HDLBP: variants seen among roughly 807,000 people sequenced by gnomAD.
HDLBP encodes high density lipoprotein binding protein.
Under a neutral mutation model 137.3 loss-of-function variants are expected in HDLBP, and 30 were observed. That is an observed-to-expected ratio of 0.22 (90% CI 0.16 to 0.30). The LOEUF (loss-of-function observed/expected upper bound fraction) is 0.30. Ranked by LOEUF, HDLBP falls within the 10% of genes least tolerant of loss-of-function variation. HDLBP has a pLI of 1.00. For missense variants in HDLBP, 1,119 were observed against 1,667.3 expected, an observed-to-expected ratio of 0.67 and a Z score of 5.73; for synonymous variants, 606 against 596.0, an observed-to-expected ratio of 1.02 and a Z score of -0.24.
intron 1 of HDLBP, chr2:241,279,859 G>A (rs1443578719): frequency 2.1e-6 from 2 of 960,324 alleles, no homozygotes; most frequent in Middle Eastern, 5.3e-4. Context: ...AAATTTTTAA[G>A]AACCTAATTG....
chr2:241,238,920 G>A lies in HDLBP; in HGVS notation c.2611-133C>T, dbSNP rs1288945143. ...TTGGCACAGATGCTCCCCTTCTCCC[G>A]AGTCCAGGGCTCCAGGCGCAGGGAG... On this transcript the variant is annotated intron_variant, in intron 19 of 27. Transcript: ENST00000310931. The surrounding 1 kb of genome is among the most constrained non-coding windows in gnomAD (Gnocchi z 4.9). 12 of 670,644 alleles carry A rather than the reference G, an allele frequency of 1.8e-5. No homozygotes were observed. The highest frequency in any genetic ancestry group is 1.7e-4 in the South Asian group (5 of 29,454). 41.5% of individuals were successfully genotyped at this position (670,644 alleles called of 1,614,324 possible).
chr2:241,255,516 G>A lies in HDLBP; in HGVS notation c.938C>T (p.Pro313Leu). ...KKSQHKYVIG[P>L]KGNSLQEILE... ...GATCTCCTGCAATGAATTGCCCTTGGGCCCAATGACATACTTGTGTTGGGA... is the reference window on the plus strand; with the variant it reads ...GATCTCCTGCAATGAATTGCCCTTGAGCCCAATGACATACTTGTGTTGGGA... Residue 313 changes from proline (P) to leucine (L), a missense_variant, in exon 8 of 28, where the codon CCC (proline) becomes CTC (leucine). By Grantham distance (98) the Pro-to-Leu change is moderately conservative (BLOSUM62 -3). Coordinates refer to ENST00000310931, the MANE Select transcript of HDLBP (RefSeq NM_005336.6). 6.2e-7 allele frequency: 1 copy of A among 1,614,018 alleles called. No homozygotes were observed. The highest frequency in any genetic ancestry group is 8.5e-7 in the Non-Finnish European group (1 of 1,179,894).
At position 241,272,439 on chromosome 2, in the gene HDLBP, G is replaced by T. The variant is rs1339802404; in HGVS notation, c.-102-3898C>A. On this transcript the variant is annotated intron_variant, in intron 1 of 27. Coordinates refer to ENST00000310931, the MANE Select transcript of HDLBP (RefSeq NM_005336.6). The surrounding 1 kb of genome is among the most constrained non-coding windows in gnomAD (Gnocchi z 5.6). Reference sequence around the variant, plus strand: ...CCCCACCGAAGCCCCGGGAGGAGGCGGGGGAGCCCAGCTTGCAGCCAAGAG... The same window carrying T: ...CCCCACCGAAGCCCCGGGAGGAGGCTGGGGAGCCCAGCTTGCAGCCAAGAG... The T allele has an allele frequency of 2.0e-6, 2 of 984,464 alleles. No homozygotes were observed. Among genetic ancestry groups the T allele is most frequent in the Non-Finnish European group, 2.4e-6 (2 of 829,654 alleles). 61.0% of individuals were successfully genotyped at this position (984,464 alleles called of 1,614,324 possible). A position where few individuals can be genotyped will look rare whatever the true frequency, so the allele number is the denominator to read the frequency against.
In HDLBP at chr2:241,272,153, A is replaced by C. The variant is rs1192707500; in HGVS notation, c.-102-3612T>G. Reference sequence around the variant, plus strand: ...AGGCCCAAGAAGAGCAGCTTTCCCCACCCCCGAACACGTAGACTGACGCGG... The same window carrying C: ...AGGCCCAAGAAGAGCAGCTTTCCCCCCCCCCGAACACGTAGACTGACGCGG... On this transcript the variant is annotated intron_variant, in intron 1 of 27. Coordinates refer to ENST00000310931, the MANE Select transcript of HDLBP (RefSeq NM_005336.6). This position sits in a 1 kb window ranked among gnomAD's most constrained non-coding sequence, Gnocchi z 5.6. 1 of 983,576 alleles carries C rather than the reference A, an allele frequency of 1.0e-6. No homozygotes were observed. The highest frequency in any genetic ancestry group is 1.2e-6 in the Non-Finnish European group (1 of 828,808). The allele number at this position is 983,576 out of a possible 1,614,324, so 60.9% of individuals were successfully genotyped here. A position where few individuals can be genotyped will look rare whatever the true frequency, so the allele number is the denominator to read the frequency against.
chr2:241,243,870 G>A (rs1247027180), intron 16 of HDLBP, among the ~76,000 whole-genome samples: 1 of 152,042 alleles, frequency 6.6e-6, no homozygotes, highest in Non-Finnish European at 1.5e-5. Context: ...CCCTCATTAA[G>A]AAACACCAGA....
intron 5 of HDLBP, among the ~76,000 whole-genome samples, chr2:241,261,407 A>G (rs2073169254): frequency 6.6e-6 from 1 of 152,342 alleles, no homozygotes; most frequent in East Asian, 1.9e-4. Context: ...ATATGATTAC[A>G]TGAGTTAGGA....
chr2:241,283,785 C>T (rs755551033), intron 1 of HDLBP, among the ~76,000 whole-genome samples: 1 of 152,098 alleles, frequency 6.6e-6, no homozygotes, highest in Admixed American at 6.6e-5. Context: ...ATAGCTAGAT[C>T]GCTTCTAAGA....
Position 241,238,396 on chromosome 2 carries a change from C to T in HDLBP, c.2749+253G>A, listed in dbSNP as rs2070811796. ...CACCCGAGGATGAGGCTGCACGCTC[C>T]TCATCGCCTTGGGACTGGCTACCTT... On this transcript the variant is annotated intron_variant, in intron 20 of 27. Coordinates refer to ENST00000310931, the MANE Select transcript of HDLBP (RefSeq NM_005336.6). The surrounding 1 kb of genome is among the most constrained non-coding windows in gnomAD (Gnocchi z 4.9). The T allele has an allele frequency of 3.0e-6, 1 of 327,952 alleles. No individual in the cohort carries two copies. Among genetic ancestry groups the T allele is most frequent in the African/African-American group, 2.1e-5 (1 of 47,134 alleles). 20.3% of individuals were successfully genotyped at this position (327,952 alleles called of 1,614,324 possible). A position where few individuals can be genotyped will look rare whatever the true frequency, so the allele number is the denominator to read the frequency against.
At chr2:241,264,427 A>G (rs941606742) in intron 4 of HDLBP, 21 bp downstream of exon 4, 5 of 1,547,152 alleles carry the variant, frequency 3.2e-6, no homozygotes, top group Non-Finnish European at 4.4e-6. Context: ...AAATTTTTAA[A>G]AGAAAGAATG....
chr2:241,313,469 A>G (rs2075822327), intron 1 of HDLBP, among the ~76,000 whole-genome samples: 1 of 152,068 alleles, frequency 6.6e-6, no homozygotes, highest in South Asian at 2.1e-4. Flanking sequence ...TAGTAGAGAC[A>G]GGGTTTCACC....
Position 241,272,600 on chromosome 2 carries a change from C to CG in HDLBP, c.-102-4060dup, listed in dbSNP as rs2074175993. 1.0e-6 allele frequency: 1 copy of CG among 983,234 alleles called. No homozygotes were observed. Among genetic ancestry groups the CG allele is most frequent in the Non-Finnish European group, 1.2e-6 (1 of 828,906 alleles). The allele number at this position is 983,234 out of a possible 1,614,324, so 60.9% of individuals were successfully genotyped here. On this transcript the variant is annotated intron_variant, in intron 1 of 27. Transcript: ENST00000310931. The surrounding 1 kb of genome is among the most constrained non-coding windows in gnomAD (Gnocchi z 5.6). ...GCGCGGTAAGCAGGACACCCGCGGG[C>CG]GGGGGCCGCAGCCTGGGGCCCGGGT...
intron 7 of HDLBP, among the ~76,000 whole-genome samples, chr2:241,255,873 C>T (rs557837351): frequency 6.6e-6 from 1 of 152,360 alleles, no homozygotes; most frequent in East Asian, 1.9e-4. Context: ...TCAAAGTTCA[C>T]TAAGCTGAGC....
intron 10 of HDLBP, 112 bp downstream of exon 10, chr2:241,253,281 C>T (rs926407216): frequency 1.2e-6 from 1 of 807,422 alleles, no homozygotes; most frequent in East Asian, 2.4e-5. Flanking sequence ...AGCTAGGATG[C>T]CCTGGGTGTC....
intron 1 of HDLBP, among the ~76,000 whole-genome samples, chr2:241,292,505 T>C (rs1051155621): frequency 2.7e-4 from 41 of 152,216 alleles, no homozygotes; most frequent in African/African-American, 9.7e-4. Context: ...TTATGACATC[T>C]GGAGAAAACC....
chr2:241,291,349 G>A (rs183755238), intron 1 of HDLBP, among the ~76,000 whole-genome samples: 1 of 152,256 alleles, frequency 6.6e-6, no homozygotes, highest in East Asian at 1.9e-4. Context: ...TGACAGGCAG[G>A]CAGGGAGCAG....
chr2:241,276,209 G>A (rs898192210), intron 1 of HDLBP, among the ~76,000 whole-genome samples: 2 of 152,126 alleles, frequency 1.3e-5, no homozygotes, highest in African/African-American at 2.4e-5. Flanking sequence ...TTTAGCCCTT[G>A]TTGAGAATGA....
chr2:241,278,593 A>C (rs1353644029), intron 1 of HDLBP, among the ~76,000 whole-genome samples: 2 of 152,160 alleles, frequency 1.3e-5, no homozygotes, highest in Non-Finnish European at 2.9e-5. Context: ...CAAAAAAAAA[A>C]AAATTCAAAT....
intron 1 of HDLBP, among the ~76,000 whole-genome samples, chr2:241,313,382 C>A (rs974815554): frequency 1.3e-5 from 2 of 152,130 alleles, no homozygotes; most frequent in Non-Finnish European, 2.9e-5. Context: ...TGGGTTCAAG[C>A]GATTCTCATG....
intron 1 of HDLBP, among the ~76,000 whole-genome samples, chr2:241,283,627 A>C (rs963609952): frequency 1.4e-4 from 21 of 151,388 alleles, no homozygotes; most frequent in Admixed American, 9.4e-4. Flanking sequence ...GGCGCCCACC[A>C]CCACGCCCGG....
Sources: gnomAD v4.1 joint callset for allele counts (sites outside exome capture counted in the v4.1 genomes callset) on GRCh38, gnomAD v4.1.1 for gene constraint, Gnocchi (gnomAD v3.1) non-coding constraint, MANE v1.5 for transcripts, NCBI Gene and HGNC (gene_info 2026-07-23, HGNC 2026-07-21) for gene names.